Variants in IFTAP observed in about 807,000 individuals in gnomAD.
IFTAP encodes intraflagellar transport associated protein.
Under a neutral mutation model 19.4 loss-of-function variants are expected in IFTAP, and 19 were observed. The ratio of observed to expected loss-of-function variants is 0.98; its 90% confidence interval spans 0.68 to 1.44. IFTAP has a LOEUF of 1.44. IFTAP is among the 40% of genes most tolerant of loss of function. IFTAP has a pLI of 0.00. For missense variants in IFTAP, 240 were observed against 253.6 expected, an observed-to-expected ratio of 0.95 and a Z score of 0.36; for synonymous variants, 85 against 83.5, an observed-to-expected ratio of 1.02 and a Z score of -0.10.
chr11:36,600,889 C>T (rs910359469), intron 1 of IFTAP, among the ~76,000 whole-genome samples: 3 of 152,138 alleles, frequency 2.0e-5, no homozygotes, highest in Non-Finnish European at 4.4e-5. Context: ...AAGATGGAAG[C>T]CAACCTCAAG....
At chr11:36,626,328 A>G (rs529736376) in intron 2 of IFTAP, among the ~76,000 whole-genome samples, 1 of 151,548 alleles carries the variant, frequency 6.6e-6, no homozygotes, top group South Asian at 2.1e-4. Context: ...GCTGAAAGAT[A>G]TGTAAAGTGT....
In IFTAP at chr11:36,634,699, G is replaced by C. The variant is rs375807601; in HGVS notation, c.291+1261G>C. ...ATTGGGCAGAAAAGGTGAAGGTAAG[G>C]CATGTTTCAATTTTCTTGGCAAAAA... On this transcript the variant is annotated intron_variant, in intron 3 of 5. Transcript: ENST00000334307. Among the ~76,000 whole-genome samples the C allele has an allele frequency of 5.3e-5, 8 of 152,228 alleles. No homozygotes were observed. In the East Asian group the frequency reaches 1.4e-3, roughly 26 times the overall value.
intron 5 of IFTAP, among the ~76,000 whole-genome samples, chr11:36,656,187 T>G (rs1431694324): frequency 6.6e-6 from 1 of 152,146 alleles, no homozygotes; most frequent in Non-Finnish European, 1.5e-5. Context: ...CAGGCCTTAC[T>G]TTATCTGGGT....
chr11:36,619,289 A>C (rs1852212272), intron 2 of IFTAP, among the ~76,000 whole-genome samples: 1 of 152,046 alleles, frequency 6.6e-6, no homozygotes, highest in Admixed American at 6.6e-5. Context: ...GAAACCGGTG[A>C]CAGCACATAA....
At chr11:36,638,036 A>G (rs2133472031) in intron 4 of IFTAP, among the ~76,000 whole-genome samples, 1 of 152,048 alleles carries the variant, frequency 6.6e-6, no homozygotes, top group East Asian at 1.9e-4. Context: ...GCATGCTGCC[A>G]TGCCTGGCTA....
chr11:36,611,171 G>A (rs1410283227), intron 2 of IFTAP, among the ~76,000 whole-genome samples: 1 of 151,990 alleles, frequency 6.6e-6, no homozygotes, highest in African/African-American at 2.4e-5. Flanking sequence ...CATTCAAGTG[G>A]CCCCCTAGGC....
chr11:36,617,060 G>T (rs1852118444), intron 2 of IFTAP, among the ~76,000 whole-genome samples: 1 of 150,944 alleles, frequency 6.6e-6, no homozygotes, highest in Admixed American at 6.6e-5. Context: ...GGATTTTGGA[G>T]ACTTGTATAA....
intron 1 of IFTAP, among the ~76,000 whole-genome samples, chr11:36,596,222 G>GTT (rs67282079): frequency 0.018 from 2,185 of 118,296 alleles, 70 homozygotes; most frequent in Admixed American, 0.081. Flanking sequence ...TTTTTTTTTT[G>GTT]TTTTTTTTTT....
chr11:36,596,222 GTTTTTTTTT>G (rs67282079), intron 1 of IFTAP, among the ~76,000 whole-genome samples: 1 of 118,368 alleles, frequency 8.4e-6, no homozygotes, highest in Non-Finnish European at 1.8e-5. Context: ...TTTTTTTTTT[GTTTTTTTTT>G]TTTTTTGCTT....
chr11:36,601,914 A>C (rs563874549), intron 1 of IFTAP, among the ~76,000 whole-genome samples: 1 of 152,306 alleles, frequency 6.6e-6, no homozygotes, highest in African/African-American at 2.4e-5. Flanking sequence ...GTCCTTCCCA[A>C]GTGCTGGGGT....
intron 4 of IFTAP, among the ~76,000 whole-genome samples, chr11:36,643,999 G>A (rs1743830050): frequency 6.6e-6 from 1 of 152,164 alleles, no homozygotes; most frequent in African/African-American, 2.4e-5. Context: ...TTGACAAGTG[G>A]AATCTAATTA....
chr11:36,608,157 G>GA (rs1173307416), intron 1 of IFTAP, among the ~76,000 whole-genome samples: 1 of 152,038 alleles, frequency 6.6e-6, no homozygotes, highest in African/African-American at 2.4e-5. Context: ...TCCATTTTTA[G>GA]AAAAAATCTA....
At position 36,631,043 on chromosome 11, in the gene IFTAP, G is replaced by A. The variant is rs118041733; in HGVS notation, c.137-2241G>A. ...CCGTAAAAGTGGAAGAAGTCAGGGA[G>A]ACTAAGTCCTAAGACCATTTCTTCC... On this transcript the variant is annotated intron_variant, in intron 2 of 5. Transcript: ENST00000334307. Among the ~76,000 whole-genome samples, 18 of 151,554 alleles carry A rather than the reference G, an allele frequency of 1.2e-4. No homozygotes were observed. In the East Asian group the frequency reaches 2.9e-3, roughly 24 times the overall value.
In IFTAP at chr11:36,614,986, T is replaced by G. The variant is rs2133390641; in HGVS notation, c.136+4747T>G. Among the ~76,000 whole-genome samples the G allele has an allele frequency of 2.8e-5, 4 of 143,520 alleles. No individual in the cohort carries two copies. The East Asian group carries it at 7.8e-4, about 28-fold the overall frequency. 94.2% of individuals were successfully genotyped at this position (143,520 alleles called of 152,430 possible). On this transcript the variant is annotated intron_variant, in intron 2 of 5. Transcript: ENST00000334307. ...TGCTTTTGGTGTTTCAGACATGAAG[T>G]CCTTGCCCATGCCTATGTCCTGAAT... is the stretch of plus-strand genomic sequence containing the variant.
intron 2 of IFTAP, among the ~76,000 whole-genome samples, chr11:36,614,453 T>C (rs374835854): frequency 6.8e-5 from 10 of 146,360 alleles, no homozygotes; most frequent in African/African-American, 1.0e-4. Context: ...ATGGCTGGGT[T>C]AAATGGTATT....
At chr11:36,648,450 T>G (rs1262860795) in intron 5 of IFTAP, 1 of 234,076 alleles carries the variant, frequency 4.3e-6, no homozygotes. Context: ...TTTCTTGCCC[T>G]TTTTAGTTTG....
chr11:36,605,567 T>C (rs1851665665), intron 1 of IFTAP, among the ~76,000 whole-genome samples: 1 of 152,194 alleles, frequency 6.6e-6, no homozygotes, highest in African/African-American at 2.4e-5. Context: ...CTTCATTATT[T>C]GATAGCAGAA....
intron 2 of IFTAP, among the ~76,000 whole-genome samples, chr11:36,611,162 A>G (rs1851863027): frequency 6.6e-6 from 1 of 152,094 alleles, no homozygotes; most frequent in Non-Finnish European, 1.5e-5. Context: ...TACTTCATTC[A>G]TTCAAGTGGC....
chr11:36,596,222 G>GTTTTT lies in IFTAP; in HGVS notation c.-24+1641_-24+1645dup, dbSNP rs67282079. Among the ~76,000 whole-genome samples the GTTTTT allele has an allele frequency of 1.8e-3, 208 of 118,376 alleles. 3 individuals are homozygous for GTTTTT. The highest frequency in any genetic ancestry group is 5.8e-3 in the African/African-American group (186 of 32,334). The allele number at this position is 118,376 out of a possible 152,430, so 77.7% of individuals were successfully genotyped here. ...AATGAGATGGTAGTGTTTTTTTTTT[G>GTTTTT]TTTTTTTTTTTTTTTGCTTTAAAGA... On this transcript the variant is annotated intron_variant, in intron 1 of 5. Transcript: ENST00000334307.
Sources: gnomAD v4.1 joint callset for allele counts (sites outside exome capture counted in the v4.1 genomes callset) on GRCh38, gnomAD v4.1.1 for gene constraint, MANE v1.5 for transcripts, NCBI Gene and HGNC (gene_info 2026-07-23, HGNC 2026-07-21) for gene names.